The following FHIT variants were observed in gnomAD, a reference collection of about 807,000 sequenced individuals.
FHIT encodes fragile histidine triad diadenosine triphosphatase.
Under a neutral mutation model 17.9 loss-of-function variants are expected in FHIT, and 19 were observed. The observed-to-expected ratio is 1.06, with a 90% CI of 0.74 to 1.56. The LOEUF (loss-of-function observed/expected upper bound fraction) is 1.56. Among genes scored for constraint, FHIT ranks in the 40% most tolerant of loss-of-function variants. The pLI, the probability that FHIT is intolerant of heterozygous loss-of-function variation, is 0.00. For synonymous variants in FHIT, 81 were observed against 69.7 expected (o/e 1.16, Z -0.81); for missense variants, 248 against 189.2 (o/e 1.31, Z -1.82).
chr3:61,241,777 T>C (rs1327390628), intron 1 of FHIT, among the ~76,000 whole-genome samples: 1 of 152,170 alleles, frequency 6.6e-6, no homozygotes, highest in East Asian at 1.9e-4. Context: ...ATCCTGAAAA[T>C]GTGTATCTTT....
Position 59,747,441 on chromosome 3 carries a change from C to A in FHIT, c.*2144G>T, listed in dbSNP as rs1345010168. Among the ~76,000 whole-genome samples the A allele has an allele frequency of 6.6e-6, 1 of 152,084 alleles. No individual in the cohort carries two copies. Among genetic ancestry groups the A allele is most frequent in the East Asian group, 1.9e-4 (1 of 5,174 alleles). On this transcript the variant is annotated 3_prime_UTR_variant, in exon 10 of 10. Transcript: ENST00000492590. ...ATGAGAACAGCATGGGAAAGACCCT[C>A]CCCCTTGATTCAGTTACCTCCCACT...
At chr3:60,882,883 A>G (rs1384106200) in intron 3 of FHIT, among the ~76,000 whole-genome samples, 1 of 152,184 alleles carries the variant, frequency 6.6e-6, no homozygotes, top group Non-Finnish European at 1.5e-5. Flanking sequence ...GGCAAGAGAA[A>G]GAAATAAAGG....
Position 59,769,201 on chromosome 3 carries a change from G to A in FHIT, c.349-16880C>T, listed in dbSNP as rs572223593. Among the ~76,000 whole-genome samples the A allele has an allele frequency of 4.6e-5, 7 of 152,314 alleles. No individual in the cohort carries two copies. The East Asian group carries it at 9.7e-4, about 21-fold the overall frequency. On this transcript the variant is annotated intron_variant, in intron 8 of 9. Coordinates refer to ENST00000492590, the MANE Select transcript of FHIT (RefSeq NM_002012.4). ...TCAACAAGGAAGCTGACCTCTGGCT[G>A]TCTCACAGCTAATCATCTTTTGAGG...
At chr3:60,194,956 A>C (rs1193797343) in intron 5 of FHIT, among the ~76,000 whole-genome samples, 1 of 152,176 alleles carries the variant, frequency 6.6e-6, no homozygotes, top group African/African-American at 2.4e-5. Context: ...ACCTGAAGTC[A>C]GGAGTTCTAG....
chr3:60,317,225 C>A (rs1472818116), intron 5 of FHIT, among the ~76,000 whole-genome samples: 1 of 151,614 alleles, frequency 6.6e-6, no homozygotes, highest in Non-Finnish European at 1.5e-5. Context: ...GTATGAACAC[C>A]CACAAAATAA....
At chr3:61,169,175 G>A (rs1320927107) in intron 2 of FHIT, among the ~76,000 whole-genome samples, 1 of 152,142 alleles carries the variant, frequency 6.6e-6, no homozygotes, top group Non-Finnish European at 1.5e-5. Flanking sequence ...CAATGTCTTT[G>A]AGCTATTTTG....
At chr3:61,018,029 T>C (rs561544025) in intron 3 of FHIT, among the ~76,000 whole-genome samples, 8 of 152,308 alleles carry the variant, frequency 5.3e-5, no homozygotes, top group African/African-American at 1.7e-4. Context: ...AAAATTAAAA[T>C]AATGGCAATT....
chr3:60,453,579 T>C (rs551681970), intron 5 of FHIT, among the ~76,000 whole-genome samples: 2 of 152,318 alleles, frequency 1.3e-5, no homozygotes, highest in Admixed American at 6.5e-5. Context: ...GTCATGTCTA[T>C]GCCTTCAGGT....
chr3:61,211,202 A>T (rs189615586), intron 1 of FHIT, among the ~76,000 whole-genome samples: 2 of 151,952 alleles, frequency 1.3e-5, no homozygotes, highest in African/African-American at 4.8e-5. Context: ...AGGGTGAGGC[A>T]TTGCCTCACT....
intron 5 of FHIT, among the ~76,000 whole-genome samples, chr3:60,421,629 T>A (rs1045626360): frequency 1.2e-4 from 18 of 152,292 alleles, no homozygotes; most frequent in African/African-American, 4.1e-4. Context: ...AGTATTATGA[T>A]ATTTATTACA....
intron 5 of FHIT, among the ~76,000 whole-genome samples, chr3:60,238,039 G>C (rs958544849): frequency 2.0e-5 from 3 of 151,860 alleles, no homozygotes; most frequent in Non-Finnish European, 4.4e-5. Flanking sequence ...TCAGATACTT[G>C]GGAGGCTGAG....
At chr3:59,822,505 GGTA>G (rs1299534999) in intron 8 of FHIT, among the ~76,000 whole-genome samples, 1 of 151,966 alleles carries the variant, frequency 6.6e-6, no homozygotes, top group Non-Finnish European at 1.5e-5. Flanking sequence ...GCAGGAGTAA[GGTA>G]GTATCATATT....
intron 4 of FHIT, among the ~76,000 whole-genome samples, chr3:60,559,142 G>C (rs1231716721): frequency 6.6e-6 from 1 of 152,084 alleles, no homozygotes; most frequent in East Asian, 1.9e-4. Flanking sequence ...TCATAGATTT[G>C]TGTTAGTAAA....
At chr3:60,291,918 C>T (rs1708001936) in intron 5 of FHIT, among the ~76,000 whole-genome samples, 1 of 152,124 alleles carries the variant, frequency 6.6e-6, no homozygotes, top group African/African-American at 2.4e-5. Context: ...CTGAAGACTT[C>T]CCATGGAGTC....
chr3:60,173,915 A>ATATATATATATTTTTTTT lies in FHIT; in HGVS notation c.104-159764_104-159763insAAAAAAAATATATATATA. Among the ~76,000 whole-genome samples, 33 of 66,408 alleles carry ATATATATATATTTTTTTT rather than the reference A, an allele frequency of 5.0e-4. 1 individual carries two copies. Among genetic ancestry groups the ATATATATATATTTTTTTT allele is most frequent in the Non-Finnish European group, 7.5e-4 (27 of 36,104 alleles). The allele number at this position is 66,408 out of a possible 152,430, so 43.6% of individuals were successfully genotyped here. Reference sequence around the variant, plus strand: ...TATATATATATATATATATATATATATGTTTTTTTTTTTTTTTGAGATCGA... The same window carrying ATATATATATATTTTTTTT: ...TATATATATATATATATATATATATATATATATATATTTTTTTTTGTTTTTTTTTTTTTTTGAGATCGA... On this transcript the variant is annotated intron_variant, in intron 5 of 9. Transcript: ENST00000492590.
intron 5 of FHIT, among the ~76,000 whole-genome samples, chr3:60,231,062 G>A (rs964727272): frequency 1.6e-4 from 25 of 152,174 alleles, no homozygotes; most frequent in African/African-American, 3.9e-4. Flanking sequence ...GCAACAACTC[G>A]GAAATAAAAT....
chr3:60,234,873 CTTT>C lies in FHIT; in HGVS notation c.104-220724_104-220722del, dbSNP rs546825953. ...CACTGACTGGTAGACTTTAATCCTT[CTTT>C]GAGATGTTGTTTAATAATGATGGTT... is the stretch of plus-strand genomic sequence containing the variant. On this transcript the variant is annotated intron_variant, in intron 5 of 9. Coordinates refer to ENST00000492590, the MANE Select transcript of FHIT (RefSeq NM_002012.4). Among the ~76,000 whole-genome samples, 526 of 152,256 alleles carry C rather than the reference CTTT, an allele frequency of 3.5e-3. 2 individuals are homozygous for C. The highest frequency in any genetic ancestry group is 0.011 in the African/African-American group (475 of 41,560).
chr3:60,983,941 T>G (rs896190672), intron 3 of FHIT, among the ~76,000 whole-genome samples: 3 of 152,228 alleles, frequency 2.0e-5, no homozygotes, highest in East Asian at 1.9e-4. Context: ...AAATTGTAAT[T>G]CACACCTGAA....
chr3:60,911,811 G>A (rs1706759038), intron 3 of FHIT, among the ~76,000 whole-genome samples: 2 of 152,198 alleles, frequency 1.3e-5, no homozygotes, highest in East Asian at 3.9e-4. Flanking sequence ...GAAACAATAA[G>A]TCTGAAGCAA....
Sources: gnomAD v4.1 joint callset for allele counts (sites outside exome capture counted in the v4.1 genomes callset) on GRCh38, gnomAD v4.1.1 for gene constraint, MANE v1.5 for transcripts, NCBI Gene and HGNC (gene_info 2026-07-23, HGNC 2026-07-21) for gene names.